Variants in RNF38 observed in about 807,000 individuals in gnomAD.
RNF38 encodes the protein ring finger protein 38, also known as E3 ubiquitin-protein ligase RNF38.
Under a neutral mutation model 67.2 loss-of-function variants are expected in RNF38, and 15 were observed. The ratio of observed to expected loss-of-function variants is 0.22; its 90% CI spans 0.15 to 0.34. RNF38 has a LOEUF of 0.34. Ranked by LOEUF, RNF38 falls within the 10% of genes least tolerant of loss-of-function variation. The probability of loss-of-function intolerance (pLI) is 1.00; values close to 1 mark genes in which losing one functional copy is unlikely to be tolerated. For synonymous variants in RNF38, 220 were observed against 218.8 expected (o/e 1.01, Z -0.05); for missense variants, 524 against 639.9 (o/e 0.82, Z 1.95).
intron 2 of RNF38, among the ~76,000 whole-genome samples, chr9:36,412,833 G>A (rs1489516540): frequency 1.3e-5 from 2 of 152,130 alleles, no homozygotes; most frequent in African/African-American, 4.8e-5. Flanking sequence ...AGCACTTTGG[G>A]AGGCCAAGGC....
intron 4 of RNF38, among the ~76,000 whole-genome samples, chr9:36,362,632 A>C (rs1386236965): frequency 6.6e-6 from 1 of 151,612 alleles, no homozygotes; most frequent in Non-Finnish European, 1.5e-5. Context: ...AGGAATCACT[A>C]TCCTGATTTT....
intron 3 of RNF38, among the ~76,000 whole-genome samples, chr9:36,374,749 T>C (rs747388726): frequency 6.6e-6 from 1 of 152,196 alleles, no homozygotes; most frequent in East Asian, 1.9e-4. Flanking sequence ...CCCAAAGTAC[T>C]GGGATAACAG....
intron 1 of RNF38, among the ~76,000 whole-genome samples, chr9:36,465,807 T>C (rs2134392653): frequency 6.6e-6 from 1 of 152,004 alleles, no homozygotes; most frequent in Middle Eastern, 3.4e-3. Flanking sequence ...TCCCAGCACT[T>C]TGGGAGGCCG....
intron 1 of RNF38, among the ~76,000 whole-genome samples, chr9:36,443,815 C>T (rs944327861): frequency 6.6e-6 from 1 of 152,082 alleles, no homozygotes; most frequent in African/African-American, 2.4e-5. Flanking sequence ...GGAGAGAAAA[C>T]AGGAGGTTAC....
In RNF38 at chr9:36,352,510, T is replaced by A. The variant is rs559650172; in HGVS notation, c.1178+232A>T. Among the ~76,000 whole-genome samples the A allele has an allele frequency of 2.2e-4, 33 of 152,346 alleles. 1 individual carries two copies. The highest frequency in any genetic ancestry group is 7.7e-4 in the African/African-American group (32 of 41,576). ...GGCAGAAAATCTTAACCTTTTCTGC[T>A]TCTTGATCTGTTAAACCTATTTTTT... is the stretch of plus-strand genomic sequence containing the variant. On this transcript the variant is annotated intron_variant, in intron 8 of 11. Coordinates refer to ENST00000259605, the MANE Select transcript of RNF38 (RefSeq NM_022781.5).
At chr9:36,440,978 C>A (rs1330153716) in intron 1 of RNF38, among the ~76,000 whole-genome samples, 1 of 152,144 alleles carries the variant, frequency 6.6e-6, no homozygotes, top group East Asian at 1.9e-4. Flanking sequence ...CATGGGCAGA[C>A]ACATTTTTAC....
intron 9 of RNF38, among the ~76,000 whole-genome samples, chr9:36,349,111 T>A (rs1412835298): frequency 6.6e-6 from 1 of 152,238 alleles, no homozygotes; most frequent in Non-Finnish European, 1.5e-5. Flanking sequence ...GTATGGTTTA[T>A]GGAACATTTT....
chr9:36,376,143 A>G lies in RNF38; in HGVS notation c.163-16T>C. On this transcript the variant is annotated splice_polypyrimidine_tract_variant and intron_variant, in intron 2 of 11. Transcript: ENST00000259605. The stretch of plus-strand genomic sequence containing the variant: ...TATCTTCACTCTGCCAATGCAACAA[A>G]ATGGATCAACTGAGTAAGATCTTTT... 1 of 1,540,000 alleles carries G rather than the reference A, an allele frequency of 6.5e-7. No homozygotes were observed. The highest frequency in any genetic ancestry group is 8.7e-7 in the Non-Finnish European group (1 of 1,147,090).
intron 1 of RNF38, among the ~76,000 whole-genome samples, chr9:36,483,291 C>G (rs1386791017): frequency 2.0e-5 from 3 of 152,038 alleles, no homozygotes; most frequent in African/African-American, 2.4e-5. Flanking sequence ...GAGGCTGAGG[C>G]AGGAGAATCG....
At chr9:36,357,109 T>C (rs1231420482) in intron 5 of RNF38, among the ~76,000 whole-genome samples, 1 of 152,130 alleles carries the variant, frequency 6.6e-6, no homozygotes, top group African/African-American at 2.4e-5. Context: ...TGACCTTAGA[T>C]ACATCATTTA....
chr9:36,421,553 C>T (rs1350997680), intron 2 of RNF38, among the ~76,000 whole-genome samples: 3 of 152,084 alleles, frequency 2.0e-5, no homozygotes, highest in Non-Finnish European at 4.4e-5. Context: ...ATCCCAGCTA[C>T]TCGGGAGGCT....
Position 36,437,555 on chromosome 9 carries a change from GA to G in RNF38, n.242-12873del, listed in dbSNP as rs891584843. ...ACAAATTTATAGAAGGAGCAAGGTTGAAAAAAAAAAAAAAAAAGAAGAGGCG... is the reference window on the plus strand; with the variant it reads ...ACAAATTTATAGAAGGAGCAAGGTTGAAAAAAAAAAAAAAAAGAAGAGGCG... On this transcript the variant is annotated intron_variant and non_coding_transcript_variant, in intron 1 of 3. Coordinates refer to the RNF38 transcript ENST00000488058. 1.7e-3 allele frequency among the ~76,000 whole-genome samples: 234 copies of G among 136,222 alleles called. 1 individual carries two copies. The highest frequency in any genetic ancestry group is 4.1e-3 in the Middle Eastern group (1 of 246). The allele number at this position is 136,222 out of a possible 152,430, so 89.4% of individuals were successfully genotyped here. A position where few individuals can be genotyped will look rare whatever the true frequency, so the allele number is the denominator to read the frequency against.
chr9:36,434,028 G>C (rs933214781), intron 1 of RNF38, among the ~76,000 whole-genome samples: 1 of 151,694 alleles, frequency 6.6e-6, no homozygotes, highest in Non-Finnish European at 1.5e-5. Flanking sequence ...ACAAGGTAAG[G>C]AGATGGAGAC....
At chr9:36,398,373 A>T (rs913793339) in intron 1 of RNF38, among the ~76,000 whole-genome samples, 4 of 152,234 alleles carry the variant, frequency 2.6e-5, no homozygotes, top group African/African-American at 9.6e-5. Context: ...GTTCGAGTCC[A>T]GAAGGGACAA....
chr9:36,352,321 A>AG (rs1341128264), intron 8 of RNF38, among the ~76,000 whole-genome samples: 1 of 151,852 alleles, frequency 6.6e-6, no homozygotes, highest in Non-Finnish European at 1.5e-5. Flanking sequence ...AAAAAAAAAA[A>AG]CAACAAACCT....
intron 11 of RNF38, among the ~76,000 whole-genome samples, chr9:36,341,795 T>C (rs1217254909): frequency 2.1e-4 from 2 of 9,336 alleles, no homozygotes; most frequent in South Asian, 3.6e-3. Context: ...TGTTTCAAAA[T>C]ATATATATAT....
At chr9:36,381,704 G>C (rs1836224167) in intron 2 of RNF38, among the ~76,000 whole-genome samples, 1 of 152,162 alleles carries the variant, frequency 6.6e-6, no homozygotes, top group Non-Finnish European at 1.5e-5. Context: ...AAATCTTTAA[G>C]TCCTCACTTC....
Position 36,338,025 on chromosome 9 carries a change from A to G in RNF38, c.*1727T>C, listed in dbSNP as rs7034595. ...GGCAGTAACAAGTAGTTAACACTGA[A>G]TGGAAAACTGACACAGAGCCAACTG... is the stretch of plus-strand genomic sequence containing the variant. On this transcript the variant is annotated 3_prime_UTR_variant, in exon 12 of 12. Transcript: ENST00000259605. 0.98 allele frequency: 149,450 copies of G among 152,762 alleles called. 73,173 individuals carry two copies. Among genetic ancestry groups the G allele is most frequent in the East Asian group, 1 (5,178 of 5,178 alleles). The allele number at this position is 152,762 out of a possible 1,614,324, so 9.5% of individuals were successfully genotyped here.
chr9:36,446,028 A>G (rs1201668838), intron 1 of RNF38, among the ~76,000 whole-genome samples: 2 of 152,036 alleles, frequency 1.3e-5, no homozygotes, highest in African/African-American at 4.8e-5. Flanking sequence ...CGCCTCTTAA[A>G]CAAAGTTTTG....
Sources: gnomAD v4.1 joint callset for allele counts (sites outside exome capture counted in the v4.1 genomes callset) on GRCh38, gnomAD v4.1.1 for gene constraint, MANE v1.5 for transcripts, NCBI Gene and HGNC (gene_info 2026-07-23, HGNC 2026-07-21) for gene names.